Variants in SP3 observed in about 807,000 individuals in gnomAD.
The protein encoded by SP3 is Sp3 transcription factor.
SP3 carries 10 observed loss-of-function variants against 70.3 expected under a neutral mutation model. The ratio of observed to expected loss-of-function variants is 0.14; its 90% CI spans 0.09 to 0.24. SP3 has a LOEUF of 0.24. Ranked by LOEUF, SP3 falls within the 10% of genes least tolerant of loss-of-function variation. The pLI is 1.00. For synonymous variants in SP3, 402 were observed against 333.5 expected, an observed-to-expected ratio of 1.21 and a Z score of -2.24; for missense variants, 825 against 914.6, an observed-to-expected ratio of 0.90 and a Z score of 1.26.
At chr2:173,964,711 T>G in intron 1 of SP3, 158 bp from the exon 2 acceptor site, 1 of 243,698 alleles carries the variant, frequency 4.1e-6, no homozygotes, top group African/African-American at 5.0e-5. Context: ...GGCGGCTCCC[T>G]CCTCCCCTCC....
intron 4 of SP3, among the ~76,000 whole-genome samples, chr2:173,947,914 A>C (rs781733260): frequency 6.6e-6 from 1 of 152,150 alleles, no homozygotes; most frequent in Non-Finnish European, 1.5e-5. Context: ...CTAACAGTTC[A>C]ATGGTTCAGA....
chr2:173,964,908 A>T (rs1387452258), intron 1 of SP3: 1 of 490,678 alleles, frequency 2.0e-6, no homozygotes, highest in Non-Finnish European at 3.5e-6. Flanking sequence ...GCGCCCGCAC[A>T]CAGGGGGATG....
rs1431625027 is a variant in SP3, at chr2:173,906,965, G to C, written c.*2976C>G. On this transcript the variant is annotated 3_prime_UTR_variant, in exon 7 of 7. Transcript: ENST00000310015. ...GGCTTGACATGCTTTCAGCTTATATGTATGTGTATTTTTAAGTATCTTAAG... is the reference window on the plus strand; with the variant it reads ...GGCTTGACATGCTTTCAGCTTATATCTATGTGTATTTTTAAGTATCTTAAG... 1 of 152,204 alleles carries C rather than the reference G, an allele frequency of 6.6e-6. No individual in the cohort carries two copies. Among genetic ancestry groups the C allele is most frequent in the African/African-American group, 2.4e-5 (1 of 41,458 alleles). 9.4% of individuals were successfully genotyped at this position (152,204 alleles called of 1,614,324 possible).
In SP3 at chr2:173,918,738, T is replaced by G. The variant is rs1464234453; in HGVS notation, c.1687A>C (p.Ser563Arg). 1 of 1,613,378 alleles carries G rather than the reference T, an allele frequency of 6.2e-7. No individual in the cohort carries two copies. Among genetic ancestry groups the G allele is most frequent in the Admixed American group, 1.7e-5 (1 of 59,978 alleles). Reference protein sequence around the residue: ...EEPDPEEWQLSGDSTLNTNDL... With the variant: ...EEPDPEEWQLRGDSTLNTNDL... ...TTGGTATTCAAGGTAGAATCACCAC[T>G]GAGCTGCCACTCTTCAGGATCAGGT... is the stretch of plus-strand genomic sequence containing the variant. The change falls in exon 5 of 7, where the codon AGT (serine) becomes CGT (arginine). Residue 563 changes from serine (S) to arginine (R), a missense_variant. By Grantham distance (110) the Ser-to-Arg change is moderately radical. Coordinates refer to ENST00000310015, the MANE Select transcript of SP3 (RefSeq NM_003111.5).
rs950969223 is a variant in SP3, at chr2:173,909,340, G to A, written c.*601C>T. On this transcript the variant is annotated 3_prime_UTR_variant, in exon 7 of 7. Transcript: ENST00000310015. ...AGGATTTAAAAGGTGACTATCCCTA[G>A]AGTTCCATGTTAAAATGTAGTTTTC... 1 of 152,418 alleles carries A rather than the reference G, an allele frequency of 6.6e-6. No homozygotes were observed. Among genetic ancestry groups the A allele is most frequent in the Non-Finnish European group, 1.5e-5 (1 of 67,970 alleles). 9.4% of individuals were successfully genotyped at this position (152,418 alleles called of 1,614,324 possible).
intron 4 of SP3, 78 bp downstream of exon 4, chr2:173,954,795 T>C (rs1422330070): frequency 7.5e-7 from 1 of 1,340,798 alleles, no homozygotes; most frequent in Non-Finnish European, 1.0e-6. Context: ...CTGATGCTGA[T>C]AAATACCTAA....
rs139429697 is a variant in SP3 at position 173,962,344 on chromosome 2, G to A, written c.279+1417C>T. ...CAAAAAAGATCAGGAGAAGCAATCTGCTTTTTAATTTTACTTATGCAGTAG... is the reference window on the plus strand; with the variant it reads ...CAAAAAAGATCAGGAGAAGCAATCTACTTTTTAATTTTACTTATGCAGTAG... On this transcript the variant is annotated intron_variant, in intron 3 of 6. Coordinates refer to ENST00000310015, the MANE Select transcript of SP3 (RefSeq NM_003111.5). Among the ~76,000 whole-genome samples the A allele has an allele frequency of 2.2e-3, 330 of 152,224 alleles. 2 individuals are homozygous for A. The highest frequency in any genetic ancestry group is 0.02 in the Middle Eastern group (6 of 294).
intron 4 of SP3, among the ~76,000 whole-genome samples, chr2:173,930,513 A>G (rs1690038320): frequency 6.6e-6 from 1 of 152,230 alleles, no homozygotes; most frequent in Non-Finnish European, 1.5e-5. Flanking sequence ...AAACTAACCA[A>G]TTATTTTCTA....
At chr2:173,921,409 C>G (rs1337429667) in intron 4 of SP3, among the ~76,000 whole-genome samples, 1 of 152,188 alleles carries the variant, frequency 6.6e-6, no homozygotes, top group Non-Finnish European at 1.5e-5. Flanking sequence ...TTCATGCTGA[C>G]TGGGCAGGGT....
intron 4 of SP3, among the ~76,000 whole-genome samples, chr2:173,948,785 TA>T (rs1294376094): frequency 6.6e-6 from 1 of 152,006 alleles, no homozygotes; most frequent in Non-Finnish European, 1.5e-5. Flanking sequence ...TCAAAATTAA[TA>T]AACCAAAAAA....
intron 5 of SP3, 45 bp downstream of exon 5, chr2:173,918,548 A>T (rs777594306): frequency 3.9e-6 from 6 of 1,541,790 alleles, no homozygotes; most frequent in Non-Finnish European, 5.3e-6. Context: ...AATCAGAATG[A>T]TATTAGCACT....
intron 4 of SP3, among the ~76,000 whole-genome samples, chr2:173,948,165 A>G (rs1690600516): frequency 6.6e-6 from 1 of 152,214 alleles, no homozygotes; most frequent in Admixed American, 6.5e-5. Flanking sequence ...CTAATTAAAT[A>G]GGATGTAATT....
rs577942562 is a variant in SP3 at position 173,951,978 on chromosome 2, G to T, written c.1639+2895C>A. Among the ~76,000 whole-genome samples, 6 of 152,162 alleles carry T rather than the reference G, an allele frequency of 3.9e-5. No individual in the cohort carries two copies. The East Asian group carries it at 7.7e-4, about 20-fold the overall frequency. The stretch of plus-strand genomic sequence containing the variant: ...ATCTCATCAGAAAAATATTAAGAAG[G>T]TATCAAGCTCATAATAGATTTGAGT... On this transcript the variant is annotated intron_variant, in intron 4 of 6. Transcript: ENST00000310015.
rs762215894 is a variant in SP3, at chr2:173,964,447, TTGC to T, written c.111_113del (p.Gln39del). On this transcript the variant is annotated inframe_deletion, in exon 2 of 7. Transcript: ENST00000310015. ...CCGCCACCGCACCGTTTCCGTGCTG[TTGC>T]TGCTGCTGCAGATACTCGCCGTGGC... The T allele has an allele frequency of 1.4e-6, 1 of 732,172 alleles. No individual in the cohort carries two copies. 45.4% of individuals were successfully genotyped at this position (732,172 alleles called of 1,614,324 possible). A position where few individuals can be genotyped will look rare whatever the true frequency, so the allele number is the denominator to read the frequency against.
chr2:173,940,359 G>A (rs1437541612), intron 4 of SP3, among the ~76,000 whole-genome samples: 1 of 152,148 alleles, frequency 6.6e-6, no homozygotes, highest in East Asian at 1.9e-4. Context: ...CCTCGCATGT[G>A]CAATTCACAA....
intron 4 of SP3, among the ~76,000 whole-genome samples, chr2:173,928,399 G>C (rs1319397009): frequency 6.6e-6 from 1 of 151,866 alleles, no homozygotes; most frequent in Non-Finnish European, 1.5e-5. Flanking sequence ...CTCTGCTCTA[G>C]CACTGGACTA....
At chr2:173,965,093 C>T (rs1691250465) in intron 1 of SP3, 72 bp downstream of exon 1, 6 of 1,540,816 alleles carry the variant, frequency 3.9e-6, no homozygotes, top group South Asian at 1.2e-5. Flanking sequence ...CGGCAGCGGC[C>T]CCGGGCTGGC....
At chr2:173,928,307 G>C (rs1689975459) in intron 4 of SP3, among the ~76,000 whole-genome samples, 2 of 152,152 alleles carry the variant, frequency 1.3e-5, no homozygotes, top group Admixed American at 6.5e-5. Flanking sequence ...AGGGCCCCAG[G>C]CCCTCATGTA....
intron 5 of SP3, chr2:173,914,987 C>T (rs377067937): frequency 3.3e-5 from 5 of 152,148 alleles, no homozygotes; most frequent in Non-Finnish European, 4.4e-5. Context: ...CTCGTGTACT[C>T]ATTATTTCAT....
Sources: allele counts gnomAD v4.1 joint callset (sites outside exome capture counted in the v4.1 genomes callset), GRCh38; gene constraint gnomAD v4.1.1; transcripts MANE v1.5; gene names NCBI Gene and HGNC (gene_info 2026-07-23, HGNC 2026-07-21).